MGAT4C: variants seen among roughly 807,000 people sequenced by gnomAD.
The protein encoded by MGAT4C is alpha-1,3-mannosyl-glycoprotein 4-beta-N-acetylglucosaminyltransferase C.
A neutral mutation model predicts 40.1 loss-of-function variants in MGAT4C; 19 were observed. The ratio of observed to expected loss-of-function variants is 0.47; its 90% CI spans 0.33 to 0.70. MGAT4C has a LOEUF of 0.70. Among genes scored for constraint, MGAT4C ranks in the 30% least tolerant of loss-of-function variants. The pLI, the probability that MGAT4C is intolerant of heterozygous loss-of-function variation, is 0.02. For missense variants in MGAT4C, 491 were observed against 563.2 expected, an observed-to-expected ratio of 0.87 and a Z score of 1.30; for synonymous variants, 181 against 187.1, an observed-to-expected ratio of 0.97 and a Z score of 0.27.
At chr12:86,214,023 T>G (rs921359583) in intron 1 of MGAT4C, among the ~76,000 whole-genome samples, 1 of 152,230 alleles carries the variant, frequency 6.6e-6, no homozygotes, top group South Asian at 2.1e-4. Flanking sequence ...AAGTTATCAT[T>G]GCATTCTTTA....
At chr12:86,701,945 A>G (rs1950370950) in intron 2 of MGAT4C, among the ~76,000 whole-genome samples, 1 of 152,186 alleles carries the variant, frequency 6.6e-6, no homozygotes, top group Admixed American at 6.6e-5. Flanking sequence ...TGAAAGTGGA[A>G]TCAGCAAGTT....
chr12:86,806,956 G>A (rs545336122), intron 1 of MGAT4C, among the ~76,000 whole-genome samples: 2 of 151,698 alleles, frequency 1.3e-5, no homozygotes, highest in Admixed American at 6.6e-5. Context: ...GTATACATAC[G>A]TAACAAACCT....
At chr12:86,002,332 GTGGTCACAGCCTCCATAACA>G (rs1887411596) in intron 2 of MGAT4C, 1 of 152,162 alleles carries the variant, frequency 6.6e-6, no homozygotes, top group South Asian at 2.1e-4. Flanking sequence ...TGCCTAAAAT[GTGGTCACAGCCTCCATAACA>G]TTGCATGTAT....
At chr12:86,492,466 G>C (rs1048100582) in intron 2 of MGAT4C, among the ~76,000 whole-genome samples, 5 of 152,110 alleles carry the variant, frequency 3.3e-5, no homozygotes, top group Non-Finnish European at 7.3e-5. Context: ...CAATGGAACA[G>C]AACAGAGCCC....
intron 3 of MGAT4C, among the ~76,000 whole-genome samples, chr12:86,376,229 A>AAC (rs918818146): frequency 1.3e-5 from 2 of 150,490 alleles, no homozygotes; most frequent in African/African-American, 4.9e-5. Context: ...AAAAAAAAAA[A>AAC]AAAAAAAAAA....
chr12:86,683,692 T>C (rs530452195), intron 2 of MGAT4C, among the ~76,000 whole-genome samples: 1 of 152,296 alleles, frequency 6.6e-6, no homozygotes, highest in Non-Finnish European at 1.5e-5. Flanking sequence ...ATTTCTTTAG[T>C]TAACTCACTC....
intron 3 of MGAT4C, among the ~76,000 whole-genome samples, chr12:86,380,466 T>A (rs1049531800): frequency 1.3e-5 from 2 of 152,082 alleles, no homozygotes; most frequent in Non-Finnish European, 2.9e-5. Context: ...AAAAAAAAAA[T>A]TAATGCTGGA....
intron 1 of MGAT4C, among the ~76,000 whole-genome samples, chr12:86,222,314 G>A (rs61949013): frequency 0.075 from 11,446 of 152,136 alleles, 582 homozygotes; most frequent in Middle Eastern, 0.22. Flanking sequence ...ACAGGCTTTC[G>A]AACTAAACAA....
intron 4 of MGAT4C, among the ~76,000 whole-genome samples, chr12:86,281,061 T>C (rs1953206960): frequency 6.6e-6 from 1 of 152,080 alleles, no homozygotes; most frequent in Non-Finnish European, 1.5e-5. Context: ...TGTGTTTGTT[T>C]GTTTTCTATT....
At chr12:86,013,328 A>G (rs1888708400) in intron 2 of MGAT4C, among the ~76,000 whole-genome samples, 1 of 152,044 alleles carries the variant, frequency 6.6e-6, no homozygotes, top group African/African-American at 2.4e-5. Context: ...ATCTCGGTTC[A>G]CTGCAAGCTC....
At position 86,601,801 on chromosome 12, in the gene MGAT4C, C is replaced by T. The variant is rs190715274; in HGVS notation, c.-229+125408G>A. Among the ~76,000 whole-genome samples the T allele has an allele frequency of 2.6e-5, 4 of 152,252 alleles. No homozygotes were observed. The East Asian group carries it at 7.8e-4, about 30-fold the overall frequency. On this transcript the variant is annotated intron_variant, in intron 2 of 7. Transcript: ENST00000548651. ...CTGAAAGAGCTGTAACACAAACAGG[C>T]TAAACACACACACCCCACCCTCATC...
At chr12:86,335,855 G>A (rs750642361) in intron 3 of MGAT4C, among the ~76,000 whole-genome samples, 14 of 151,998 alleles carry the variant, frequency 9.2e-5, no homozygotes, top group Non-Finnish European at 1.9e-4. Context: ...GGCTAATATG[G>A]TCCAAAATAC....
At chr12:86,113,852 C>T (rs1877879445) in intron 1 of MGAT4C, among the ~76,000 whole-genome samples, 1 of 151,828 alleles carries the variant, frequency 6.6e-6, no homozygotes, top group African/African-American at 2.4e-5. Flanking sequence ...CGAAACAAAA[C>T]AGAAACATTT....
intron 2 of MGAT4C, among the ~76,000 whole-genome samples, chr12:86,029,865 T>C (rs1464809375): frequency 6.6e-6 from 1 of 151,832 alleles, no homozygotes; most frequent in Non-Finnish European, 1.5e-5. Flanking sequence ...GAGGAGAAAG[T>C]GTCTGGGGAT....
intron 1 of MGAT4C, among the ~76,000 whole-genome samples, chr12:86,050,659 T>A (rs912503757): frequency 9.9e-5 from 15 of 152,108 alleles, no homozygotes; most frequent in African/African-American, 3.6e-4. Flanking sequence ...GATATCTCCA[T>A]CAGCATTTCT....
intron 4 of MGAT4C, among the ~76,000 whole-genome samples, chr12:86,272,105 A>T: frequency 6.6e-6 from 1 of 152,338 alleles, no homozygotes; most frequent in Non-Finnish European, 1.5e-5. Context: ...AAATATACTT[A>T]ACAAAAATAT....
At chr12:86,669,519 C>A (rs1204439758) in intron 2 of MGAT4C, among the ~76,000 whole-genome samples, 1 of 152,178 alleles carries the variant, frequency 6.6e-6, no homozygotes, top group South Asian at 2.1e-4. Flanking sequence ...AGGCTGTCCC[C>A]CATCCCCATG....
intron 1 of MGAT4C, among the ~76,000 whole-genome samples, chr12:86,119,863 T>C (rs1334404835): frequency 6.6e-6 from 1 of 151,906 alleles, no homozygotes; most frequent in Non-Finnish European, 1.5e-5. Flanking sequence ...TGCATCTGGC[T>C]TTTCTTTTTA....
chr12:86,432,594 G>A (rs546440789), intron 3 of MGAT4C, among the ~76,000 whole-genome samples: 97 of 152,076 alleles, frequency 6.4e-4, no homozygotes, highest in Admixed American at 5.2e-3. Flanking sequence ...GGGCAGATTG[G>A]GAGGTAAGCT....
Sources: allele counts gnomAD v4.1 joint callset (sites outside exome capture counted in the v4.1 genomes callset), GRCh38; gene constraint gnomAD v4.1.1; transcripts MANE v1.5; gene names NCBI Gene and HGNC (gene_info 2026-07-23, HGNC 2026-07-21).